The following RHBDL2 variants were observed in gnomAD, a reference collection of about 807,000 sequenced individuals.
RHBDL2 encodes rhomboid like 2.
RHBDL2 carries 26 observed loss-of-function variants against 31.7 expected under a neutral mutation model. The ratio of observed to expected loss-of-function variants is 0.82; its 90% CI spans 0.60 to 1.14. The LOEUF (loss-of-function observed/expected upper bound fraction) is 1.14, where lower values mean the gene tolerates loss of function less well. RHBDL2 is among the 50% of genes most tolerant of loss of function. The pLI, the probability that RHBDL2 is intolerant of heterozygous loss-of-function variation, is 0.00. For missense variants in RHBDL2, 336 were observed against 364.4 expected (o/e 0.92, Z 0.63); for synonymous variants, 123 against 127.2 (o/e 0.97, Z 0.22).
intron 1 of RHBDL2, among the ~76,000 whole-genome samples, chr1:38,935,276 A>T (rs1643485201): frequency 6.6e-6 from 1 of 152,262 alleles, no homozygotes; most frequent in East Asian, 1.9e-4. Context: ...CCATAAATGC[A>T]TTAATTTGCA....
intron 3 of RHBDL2, among the ~76,000 whole-genome samples, chr1:38,913,361 C>T (rs1425899601): frequency 2.6e-5 from 4 of 151,940 alleles, no homozygotes; most frequent in African/African-American, 9.7e-5. Flanking sequence ...TCCTTGTGTG[C>T]GGGAGCCATG....
rs1249232897 is a variant in RHBDL2 at position 38,896,024 on chromosome 1, C to T, written c.554G>A (p.Gly185Glu). 1 of 1,613,832 alleles carries T rather than the reference C, an allele frequency of 6.2e-7. No individual in the cohort carries two copies. Among genetic ancestry groups the T allele is most frequent in the Non-Finnish European group, 8.5e-7 (1 of 1,179,928 alleles). The change falls in exon 5 of 8, where the codon GGA becomes GAA. Residue 185 changes from glycine to glutamate, a missense_variant. By Grantham distance (98) the Gly-to-Glu change is moderately conservative (BLOSUM62 -2). Coordinates refer to ENST00000372990, the MANE Select transcript of RHBDL2 (RefSeq NM_017821.5). ...SIFDPLRYLV[G>E]ASGGVYALMG... Reference sequence around the variant, plus strand: ...CAGAGCATAGACTCCTCCTGAAGCTCCCACAAGATATCTGAGTGGGTCAAA... The same window carrying T: ...CAGAGCATAGACTCCTCCTGAAGCTTCCACAAGATATCTGAGTGGGTCAAA...
chr1:38,899,076 G>C (rs1642956424), intron 4 of RHBDL2, among the ~76,000 whole-genome samples: 1 of 152,142 alleles, frequency 6.6e-6, no homozygotes, highest in African/African-American at 2.4e-5. Context: ...GACTAAGCTT[G>C]TTTTCCCTCC....
chr1:38,928,807 T>C (rs757751428), intron 1 of RHBDL2, among the ~76,000 whole-genome samples: 39 of 152,090 alleles, frequency 2.6e-4, no homozygotes, highest in Non-Finnish European at 5.4e-4. Context: ...ATGCCTGTAA[T>C]CCTAGCACTT....
At chr1:38,891,313 T>C (rs1043266801) in intron 6 of RHBDL2, among the ~76,000 whole-genome samples, 1 of 149,998 alleles carries the variant, frequency 6.7e-6, no homozygotes, top group African/African-American at 2.4e-5. Context: ...ACACATTACA[T>C]ATTACATATT....
intron 1 of RHBDL2, among the ~76,000 whole-genome samples, chr1:38,920,046 A>C (rs1325954507): frequency 2.0e-5 from 3 of 152,136 alleles, no homozygotes; most frequent in Non-Finnish European, 1.5e-5. Context: ...GGCAACGACT[A>C]ATCTGCTTTC....
chr1:38,895,692 T>A (rs1047153726), intron 5 of RHBDL2, among the ~76,000 whole-genome samples: 1 of 151,954 alleles, frequency 6.6e-6, no homozygotes, highest in East Asian at 1.9e-4. Flanking sequence ...TAGTCCCAGC[T>A]ATTTAGGAGG....
Position 38,911,335 on chromosome 1 carries a change from T to C in RHBDL2, c.495A>G (p.Ala165=), listed in dbSNP as rs756682923. 1.2e-6 allele frequency: 2 copies of C among 1,611,948 alleles called. No individual in the cohort carries two copies. The highest frequency in any genetic ancestry group is 2.2e-5 in the South Asian group (2 of 91,036). Residue 165 remains alanine, a synonymous_variant, in exon 4 of 8, where the codon GCA becomes GCG. Coordinates refer to ENST00000372990, the MANE Select transcript of RHBDL2 (RefSeq NM_017821.5). ...KGLRVGLVYL[A]GVIAGSLASS... ...CAGAACACTGACCTGCAATCACTCC[T>C]GCCAGGTACACCAGCCCCACACGGA... is the stretch of plus-strand genomic sequence containing the variant.
At chr1:38,911,553 ATT>A (rs1387307579) in intron 3 of RHBDL2, 119 bp from the exon 4 acceptor site, 1 of 646,078 alleles carries the variant, frequency 1.5e-6, no homozygotes, top group Non-Finnish European at 2.7e-6. Flanking sequence ...CTAGAATTCC[ATT>A]TTCTAATTTT....
chr1:38,933,326 C>T (rs774898958), intron 1 of RHBDL2, among the ~76,000 whole-genome samples: 89 of 152,250 alleles, frequency 5.8e-4, no homozygotes, highest in Non-Finnish European at 5.3e-4. Context: ...TGTAGCACGT[C>T]CCTAGGAAGT....
At chr1:38,920,041 C>G (rs562781041) in intron 1 of RHBDL2, among the ~76,000 whole-genome samples, 1 of 152,196 alleles carries the variant, frequency 6.6e-6, no homozygotes, top group African/African-American at 2.4e-5. Context: ...TCCCTGGCAA[C>G]GACTAATCTG....
chr1:38,901,663 C>T (rs1211079295), intron 4 of RHBDL2, among the ~76,000 whole-genome samples: 2 of 151,384 alleles, frequency 1.3e-5, no homozygotes, highest in Non-Finnish European at 1.5e-5. Context: ...TGGTGAAACC[C>T]CGTCTCTACT....
intron 4 of RHBDL2, among the ~76,000 whole-genome samples, chr1:38,908,513 C>CAAAA (rs35185971): frequency 6.7e-4 from 45 of 66,876 alleles, no homozygotes; most frequent in African/African-American, 2.5e-3. Context: ...ACTCCGTCTC[C>CAAAA]AAAAAAAAAA....
At chr1:38,931,722 A>T (rs1643441650) in intron 1 of RHBDL2, among the ~76,000 whole-genome samples, 1 of 151,720 alleles carries the variant, frequency 6.6e-6, no homozygotes, top group East Asian at 1.9e-4. Context: ...AAGAAAGAAA[A>T]GGAAACCACC....
At chr1:38,888,349 G>T (rs1284169866) in intron 6 of RHBDL2, among the ~76,000 whole-genome samples, 2 of 151,716 alleles carry the variant, frequency 1.3e-5, no homozygotes, top group Non-Finnish European at 2.9e-5. Flanking sequence ...ACTGTTGGGG[G>T]GTATGTGGGG....
intron 3 of RHBDL2, among the ~76,000 whole-genome samples, chr1:38,914,072 G>A (rs906632893): frequency 3.3e-5 from 5 of 150,856 alleles, no homozygotes; most frequent in Admixed American, 6.6e-5. Flanking sequence ...AGCCGAGATC[G>A]CACCACCGCA....
chr1:38,925,769 T>C (rs1486215743), intron 1 of RHBDL2, among the ~76,000 whole-genome samples: 1 of 152,226 alleles, frequency 6.6e-6, no homozygotes, highest in African/African-American at 2.4e-5. Flanking sequence ...TTATTTATTT[T>C]ATGAATCTTT....
At chr1:38,905,798 T>C (rs538053355) in intron 4 of RHBDL2, among the ~76,000 whole-genome samples, 8 of 150,076 alleles carry the variant, frequency 5.3e-5, no homozygotes, top group African/African-American at 2.0e-4. Context: ...CCAGGCATAG[T>C]TGCTCACACC....
intron 1 of RHBDL2, among the ~76,000 whole-genome samples, chr1:38,936,820 G>A (rs1386749121): frequency 6.6e-6 from 1 of 151,774 alleles, no homozygotes; most frequent in African/African-American, 2.4e-5. Flanking sequence ...TTTTAGTAGA[G>A]ACGAGGTTTC....
Sources: allele counts gnomAD v4.1 joint callset (sites outside exome capture counted in the v4.1 genomes callset), GRCh38; gene constraint gnomAD v4.1.1; transcripts MANE v1.5; gene names NCBI Gene and HGNC (gene_info 2026-07-23, HGNC 2026-07-21).